Variants in HFM1 observed in about 807,000 individuals in gnomAD.
HFM1 encodes the protein helicase for meiosis 1.
A neutral mutation model predicts 192.1 loss-of-function variants in HFM1; 169 were observed. The ratio of observed to expected loss-of-function variants is 0.88; its 90% CI spans 0.78 to 1.00. HFM1 has a LOEUF of 1.00. Among genes scored for constraint, HFM1 ranks in the 50% least tolerant of loss-of-function variants. The pLI, the probability that HFM1 is intolerant of heterozygous loss-of-function variation, is 0.00. For synonymous variants in HFM1, 525 were observed against 537.8 expected, an observed-to-expected ratio of 0.98 and a Z score of 0.33; for missense variants, 1,661 against 1,668.0, an observed-to-expected ratio of 1.00 and a Z score of 0.07.
intron 23 of HFM1, among the ~76,000 whole-genome samples, chr1:91,320,854 C>A (rs904115907): frequency 2.0e-5 from 3 of 152,068 alleles, no homozygotes; most frequent in African/African-American, 7.2e-5. Flanking sequence ...CTAACAGGGG[C>A]AGAGTTACAT....
Position 91,276,706 on chromosome 1 carries a change from C to T in HFM1, c.3510G>A (p.Glu1170=), listed in dbSNP as rs781290288. ...IGVAQKSEIK[E]STISSYLSDL... is the part of the protein sequence containing the mutation. Reference sequence around the variant, plus strand: ...CAGATAAATATGAAGAAATTGTTGACTCTTTAATTTCTGACTTCTGTGCAA... The same window carrying T: ...CAGATAAATATGAAGAAATTGTTGATTCTTTAATTTCTGACTTCTGTGCAA... Residue 1170 remains glutamate, a synonymous_variant, in exon 32 of 39, where the codon GAG becomes GAA. Coordinates refer to ENST00000370425, the MANE Select transcript of HFM1 (RefSeq NM_001017975.6). The T allele has an allele frequency of 6.4e-6, 10 of 1,554,812 alleles. No homozygotes were observed. Among genetic ancestry groups the T allele is most frequent in the Non-Finnish European group, 8.7e-6 (10 of 1,154,594 alleles).
chr1:91,372,435 T>G (rs1242372732), intron 13 of HFM1, among the ~76,000 whole-genome samples: 1 of 152,182 alleles, frequency 6.6e-6, no homozygotes, highest in Non-Finnish European at 1.5e-5. Context: ...ATGTCCTTTG[T>G]AGGGACATGG....
chr1:91,373,388 C>A (rs915999295), intron 13 of HFM1, among the ~76,000 whole-genome samples: 2 of 152,140 alleles, frequency 1.3e-5, no homozygotes, highest in Non-Finnish European at 2.9e-5. Flanking sequence ...AACATATTTA[C>A]TGATTTCCAG....
chr1:91,388,164 G>A (rs769644974), intron 4 of HFM1, among the ~76,000 whole-genome samples: 11 of 152,074 alleles, frequency 7.2e-5, no homozygotes, highest in Non-Finnish European at 1.2e-4. Context: ...GCTGGTAAAT[G>A]TAAGTAAAGT....
chr1:91,287,352 C>T (rs1668132037), intron 30 of HFM1, among the ~76,000 whole-genome samples: 1 of 152,138 alleles, frequency 6.6e-6, no homozygotes, highest in Non-Finnish European at 1.5e-5. Flanking sequence ...AGTCCCTGAC[C>T]CCTGACCCCC....
intron 16 of HFM1, 23 bp from the exon 17 acceptor site, chr1:91,351,666 T>C: frequency 7.4e-7 from 1 of 1,343,242 alleles, no homozygotes. Context: ...CAAACAGAAA[T>C]TTAGTGAAGA....
intron 18 of HFM1, 78 bp downstream of exon 18, chr1:91,350,660 A>G (rs2101720629): frequency 7.5e-7 from 1 of 1,331,110 alleles, no homozygotes; most frequent in East Asian, 2.3e-5. Flanking sequence ...TAATCTATCT[A>G]TCCTGTAACT....
chr1:91,261,338 T>C lies in HFM1; in HGVS notation c.4260A>G (p.Glu1420=), dbSNP rs763642049. The part of the protein sequence containing the change: ...VDFSMYHPDD[E]ADEMKSLLGI... ...CCAATAAAGACTTCATTTCATCAGC[T>C]TCATCATCAGGATGATACATACTGG... Residue 1420 remains glutamate (E), a synonymous_variant, in exon 39 of 39, where the codon GAA becomes GAG. Transcript: ENST00000370425. 2 of 1,426,474 alleles carry C rather than the reference T, an allele frequency of 1.4e-6. No homozygotes were observed. The highest frequency in any genetic ancestry group is 2.6e-5 in the East Asian group (1 of 37,820). 88.4% of individuals were successfully genotyped at this position (1,426,474 alleles called of 1,614,324 possible). A position where few individuals can be genotyped will look rare whatever the true frequency, so the allele number is the denominator to read the frequency against.
intron 6 of HFM1, among the ~76,000 whole-genome samples, chr1:91,382,078 A>G (rs1318091723): frequency 1.3e-5 from 2 of 152,008 alleles, no homozygotes; most frequent in Non-Finnish European, 2.9e-5. Context: ...GCTATACTGA[A>G]CTCTGCTGTT....
intron 2 of HFM1, among the ~76,000 whole-genome samples, chr1:91,399,700 AG>A (rs1204462574): frequency 2.0e-5 from 3 of 152,162 alleles, no homozygotes; most frequent in African/African-American, 7.2e-5. Context: ...CTCTTTCTAT[AG>A]GAATTATCAA....
intron 13 of HFM1, 35 bp from the exon 14 acceptor site, chr1:91,353,334 C>G: frequency 2.4e-6 from 3 of 1,247,632 alleles, no homozygotes; most frequent in Non-Finnish European, 3.4e-6. Flanking sequence ...TTGAGTTACT[C>G]CCAGTAACAT....
Position 91,385,211 on chromosome 1 carries a change from A to C in HFM1, c.778T>G (p.Ser260Ala). The part of the protein sequence containing the change: ...IQEVTENGLG[S>A]LKAVTEIPAK... ...CGAATTTCTGTGACAGCCTTCAAGG[A>C]ACCTAAACCATTTTCTGTTACCTCT... The change falls in exon 6 of 39, where the codon TCC (serine) becomes GCC (alanine). Residue 260 changes from serine (S) to alanine (A), a missense_variant. Ser to Ala is a moderately conservative substitution (Grantham distance 99). Transcript: ENST00000370425. The C allele has an allele frequency of 6.4e-7, 1 of 1,568,640 alleles. No individual in the cohort carries two copies. The highest frequency in any genetic ancestry group is 8.7e-7 in the Non-Finnish European group (1 of 1,144,404).
intron 1 of HFM1, among the ~76,000 whole-genome samples, chr1:91,403,790 G>C (rs1664557699): frequency 6.6e-6 from 1 of 151,940 alleles, no homozygotes; most frequent in African/African-American, 2.4e-5. Context: ...ACAATCTCTA[G>C]TTAAATATTA....
chr1:91,344,076 G>A (rs756999168), intron 19 of HFM1, among the ~76,000 whole-genome samples: 4 of 152,132 alleles, frequency 2.6e-5, no homozygotes, highest in Non-Finnish European at 4.4e-5. Context: ...CTTTCTTGAA[G>A]CAAAAACTTA....
chr1:91,390,881 T>C (rs1662897384), intron 4 of HFM1, among the ~76,000 whole-genome samples: 2 of 152,310 alleles, frequency 1.3e-5, no homozygotes, highest in Middle Eastern at 3.4e-3. Flanking sequence ...AAAATCTCCT[T>C]AAGCTGATAA....
intron 4 of HFM1, among the ~76,000 whole-genome samples, chr1:91,388,878 C>T (rs1662574457): frequency 6.6e-6 from 1 of 152,114 alleles, no homozygotes; most frequent in Non-Finnish European, 1.5e-5. Context: ...GGGGGAAATA[C>T]TTGCAAATCA....
At chr1:91,281,621 G>A (rs201373537) in intron 30 of HFM1, among the ~76,000 whole-genome samples, 1 of 152,186 alleles carries the variant, frequency 6.6e-6, no homozygotes, top group Non-Finnish European at 1.5e-5. Flanking sequence ...AAAATTTTCT[G>A]AATCTTTGAA....
chr1:91,362,241 G>A (rs891380006), intron 13 of HFM1, among the ~76,000 whole-genome samples: 1 of 152,162 alleles, frequency 6.6e-6, no homozygotes, highest in Admixed American at 6.5e-5. Context: ...TAGGAAGAGA[G>A]GAAGTCAAAT....
intron 34 of HFM1, among the ~76,000 whole-genome samples, chr1:91,270,790 C>G (rs1666218954): frequency 6.6e-6 from 1 of 152,050 alleles, no homozygotes; most frequent in Admixed American, 6.6e-5. Flanking sequence ...TAGAAAGTCA[C>G]TAAATGGCCT....
Sources: allele counts gnomAD v4.1 joint callset (sites outside exome capture counted in the v4.1 genomes callset), GRCh38; gene constraint gnomAD v4.1.1; transcripts MANE v1.5; gene names NCBI Gene and HGNC (gene_info 2026-07-23, HGNC 2026-07-21).